The following CELSR3 variants were observed in gnomAD, a reference collection of about 807,000 sequenced individuals.
CELSR3 encodes cadherin EGF LAG seven-pass G-type receptor 3.
Under a neutral mutation model 270.0 loss-of-function variants are expected in CELSR3, and 73 were observed. The ratio of observed to expected loss-of-function variants is 0.27; its 90% confidence interval spans 0.22 to 0.33. The LOEUF (loss-of-function observed/expected upper bound fraction) is 0.33. CELSR3 is among the 10% of genes least tolerant of loss of function. The probability of loss-of-function intolerance (pLI) is 1.00; values close to 1 mark genes in which losing one functional copy is unlikely to be tolerated. For synonymous variants in CELSR3, 1,780 were observed against 1,905.4 expected (o/e 0.93, Z 1.71); for missense variants, 3,614 against 4,533.8 (o/e 0.80, Z 5.83).
chr3:48,643,769 ACG>A, intron 27 of CELSR3, 92 bp from the exon 28 acceptor site: 1 of 1,438,002 alleles, frequency 7.0e-7, no homozygotes, highest in South Asian at 1.4e-5. Context: ...GGGGCCACAC[ACG>A]AAACGTGAAA....
Position 48,651,781 on chromosome 3 carries a change from G to A in CELSR3, c.5924-63C>T, listed in dbSNP as rs545626475. On this transcript the variant is annotated intron_variant, in intron 12 of 34. Coordinates refer to ENST00000164024, the MANE Select transcript of CELSR3 (RefSeq NM_001407.3). This position sits in a 1 kb window ranked among gnomAD's most constrained non-coding sequence, Gnocchi z 7.4. ...AGAGCATGGAAGGAAGCAGGCACCCGTCCCGAGTCCCTGCCTCCTTCAGGT... is the reference window on the plus strand; with the variant it reads ...AGAGCATGGAAGGAAGCAGGCACCCATCCCGAGTCCCTGCCTCCTTCAGGT... 1.8e-5 allele frequency: 27 copies of A among 1,535,552 alleles called. 1 individual carries two copies. The highest frequency in any genetic ancestry group is 9.1e-5 in the East Asian group (4 of 44,142).
rs1341440488 is a variant in CELSR3 at position 48,656,181 on chromosome 3, A to G, written c.4584T>C (p.Phe1528=). 6.5e-7 allele frequency: 1 copy of G among 1,538,064 alleles called. No individual in the cohort carries two copies. The highest frequency in any genetic ancestry group is 8.7e-7 in the Non-Finnish European group (1 of 1,148,124). ...GGTGGAATCGCTGCCGCAGGCCGCG[A>G]AACATGACGAACGAACTGGGCGGGA... is the stretch of plus-strand genomic sequence containing the variant. ...RSFPPSSFVM[F]RGLRQRFHLT... Residue 1528 remains phenylalanine (F), a synonymous_variant, in exon 3 of 35, where the codon TTT becomes TTC. Transcript: ENST00000164024.
At position 48,642,429 on chromosome 3, in the gene CELSR3, T is replaced by C. The variant is rs141516372; in HGVS notation, c.8594A>G (p.His2865Arg). 219 of 1,613,162 alleles carry C rather than the reference T, an allele frequency of 1.4e-4. No individual in the cohort carries two copies. Among genetic ancestry groups the C allele is most frequent in the Non-Finnish European group, 1.7e-4 (201 of 1,179,902 alleles). The change falls in exon 31 of 35, where the codon CAC becomes CGC. Residue 2865 changes from histidine to arginine, a missense_variant. By Grantham distance (29) the His-to-Arg change is conservative (BLOSUM62 0). Around this residue, in one of 7 missense-constraint regions of CELSR3, gnomAD observed 1,240 missense variants for 1,351.7 expected, o/e 0.92. Transcript: ENST00000164024. This position sits in a 1 kb window ranked among gnomAD's most constrained non-coding sequence, Gnocchi z 6.1. ...VLVRHGSAAD[H>R]TDHSLQAHAG... ...ATGAGCCTGGAGGCTGTGGTCAGTG[T>C]GGTCAGCGGCTGAGCCATGTCGAAC... is the stretch of plus-strand genomic sequence containing the variant.
In CELSR3 at chr3:48,641,600, T is replaced by C; in HGVS notation, c.8825-76A>G. ...CATGACCCCTGACCCTAATGACCCT[T>C]GAAACCCTGGCTGTTCTCATTGAGC... On this transcript the variant is annotated intron_variant, in intron 32 of 34. Coordinates refer to ENST00000164024, the MANE Select transcript of CELSR3 (RefSeq NM_001407.3). The surrounding 1 kb of genome is among the most constrained non-coding windows in gnomAD (Gnocchi z 4.8). 8.7e-7 allele frequency: 1 copy of C among 1,147,740 alleles called. No homozygotes were observed. Among genetic ancestry groups the C allele is most frequent in the Non-Finnish European group, 1.3e-6 (1 of 781,140 alleles). The allele number at this position is 1,147,740 out of a possible 1,614,324, so 71.1% of individuals were successfully genotyped here.
Position 48,644,487 on chromosome 3 carries a change from G to C in CELSR3, c.8086-192C>G, listed in dbSNP as rs1220666978. ...ATTGGGAACCAGAGAGGGACTGAGA[G>C]AGAGAAGCAGAGACAGAGGCAGGGA... On this transcript the variant is annotated intron_variant, in intron 26 of 34. Coordinates refer to ENST00000164024, the MANE Select transcript of CELSR3 (RefSeq NM_001407.3). The surrounding 1 kb of genome is among the most constrained non-coding windows in gnomAD (Gnocchi z 4.8). Among the ~76,000 whole-genome samples, 1 of 152,144 alleles carries C rather than the reference G, an allele frequency of 6.6e-6. No individual in the cohort carries two copies.
rs986035207 is a variant in CELSR3, at chr3:48,655,086, T to C, written c.4946A>G (p.Asn1649Ser). 5 of 1,613,890 alleles carry C rather than the reference T, an allele frequency of 3.1e-6. No individual in the cohort carries two copies. The highest frequency in any genetic ancestry group is 1.3e-5 in the African/African-American group (1 of 74,954). Residue 1649 changes from asparagine to serine, a missense_variant, in exon 6 of 35, where the codon AAC (asparagine) becomes AGC (serine). By Grantham distance (46) the Asn-to-Ser change is conservative (BLOSUM62 1). Coordinates refer to ENST00000164024, the MANE Select transcript of CELSR3 (RefSeq NM_001407.3). The surrounding 1 kb of genome is among the most constrained non-coding windows in gnomAD (Gnocchi z 5.8). The stretch of plus-strand genomic sequence containing the variant: ...CACACCAGCAGCCGCGCATGAGTAG[T>C]TGCCAATCTCAGCACCAAACTGCAG... ...VALQFGAEIG[N>S]YSCAAAGVQT...
Position 48,642,278 on chromosome 3 carries a change from C to A in CELSR3, c.8665+80G>T. ...ATCGTCCCACCCCAGTCAGCCACTG[C>A]TCCCAGTATGGGGTAGAAGAAAAGG... On this transcript the variant is annotated intron_variant, in intron 31 of 34. Coordinates refer to ENST00000164024, the MANE Select transcript of CELSR3 (RefSeq NM_001407.3). The surrounding 1 kb of genome is among the most constrained non-coding windows in gnomAD (Gnocchi z 6.1). 1.4e-6 allele frequency: 2 copies of A among 1,449,032 alleles called. No individual in the cohort carries two copies. The highest frequency in any genetic ancestry group is 2.7e-5 in the South Asian group (2 of 75,192). 89.8% of individuals were successfully genotyped at this position (1,449,032 alleles called of 1,614,324 possible). A position where few individuals can be genotyped will look rare whatever the true frequency, so the allele number is the denominator to read the frequency against.
Position 48,652,945 on chromosome 3 carries a change from T to C in CELSR3, c.5634+57A>G, listed in dbSNP as rs1423747824. 1.4e-6 allele frequency: 2 copies of C among 1,477,554 alleles called. No homozygotes were observed. Among genetic ancestry groups the C allele is most frequent in the Non-Finnish European group, 1.9e-6 (2 of 1,066,502 alleles). The allele number at this position is 1,477,554 out of a possible 1,614,324, so 91.5% of individuals were successfully genotyped here. On this transcript the variant is annotated intron_variant, in intron 10 of 34. Coordinates refer to ENST00000164024, the MANE Select transcript of CELSR3 (RefSeq NM_001407.3). This position sits in a 1 kb window ranked among gnomAD's most constrained non-coding sequence, Gnocchi z 4.3. ...GAGCTGGACTAGAGGTGGGGTCAAATAAGGCGGATCTGGTTGGAAGGCTGA... is the reference window on the plus strand; with the variant it reads ...GAGCTGGACTAGAGGTGGGGTCAAACAAGGCGGATCTGGTTGGAAGGCTGA...
Position 48,659,391 on chromosome 3 carries a change from C to G in CELSR3, c.3244G>C (p.Val1082Leu). 3 of 1,614,190 alleles carry G rather than the reference C, an allele frequency of 1.9e-6. No individual in the cohort carries two copies. Among genetic ancestry groups the G allele is most frequent in the Non-Finnish European group, 2.5e-6 (3 of 1,180,046 alleles). The change falls in exon 1 of 35, where the codon GTG becomes CTG. Residue 1082 changes from valine to leucine, a missense_variant. Around this residue, in one of 7 missense-constraint regions of CELSR3, gnomAD observed 1,331 missense variants for 1,933.7 expected, o/e 0.69. Transcript: ENST00000164024. The surrounding 1 kb of genome is among the most constrained non-coding windows in gnomAD (Gnocchi z 8.1). Reference protein sequence around the residue: ...FEVRVKENSIVGSVVAQITAV... With the variant: ...FEVRVKENSILGSVVAQITAV... ...GTGATCTGGGCCACCACTGAGCCCA[C>G]AATGCTATTCTCTTTCACCCGCACC...
chr3:48,644,357 AAT>A lies in CELSR3; in HGVS notation c.8086-64_8086-63del. The A allele has an allele frequency of 2.1e-6, 3 of 1,446,894 alleles. No homozygotes were observed. Among genetic ancestry groups the A allele is most frequent in the Non-Finnish European group, 2.9e-6 (3 of 1,031,130 alleles). 89.6% of individuals were successfully genotyped at this position (1,446,894 alleles called of 1,614,324 possible). A position where few individuals can be genotyped will look rare whatever the true frequency, so the allele number is the denominator to read the frequency against. On this transcript the variant is annotated intron_variant, in intron 26 of 34. Transcript: ENST00000164024. This position sits in a 1 kb window ranked among gnomAD's most constrained non-coding sequence, Gnocchi z 4.8. ...CAGAGAGAGAGAGAGAGAGAGAGGC[AAT>A]GAGAGACAGAGAGAGACTAAGATTC... is the stretch of plus-strand genomic sequence containing the variant.
At position 48,651,332 on chromosome 3, in the gene CELSR3, G is replaced by T; in HGVS notation, c.6186+27C>A. 6.2e-7 allele frequency: 1 copy of T among 1,613,278 alleles called. No homozygotes were observed. Among genetic ancestry groups the T allele is most frequent in the Non-Finnish European group, 8.5e-7 (1 of 1,179,410 alleles). On this transcript the variant is annotated intron_variant, in intron 14 of 34. Coordinates refer to ENST00000164024, the MANE Select transcript of CELSR3 (RefSeq NM_001407.3). The surrounding 1 kb of genome is among the most constrained non-coding windows in gnomAD (Gnocchi z 7.4). ...GAATTGCAGATTGCGTCCAAGGAAG[G>T]GTTAAAAGGTCAGGGGCCAGGCGCA... is the stretch of plus-strand genomic sequence containing the variant.
Position 48,661,875 on chromosome 3 carries a change from T to C in CELSR3, c.760A>G (p.Thr254Ala), listed in dbSNP as rs750168787. The C allele has an allele frequency of 3.4e-5, 54 of 1,611,152 alleles. No individual in the cohort carries two copies. The South Asian group carries it at 5.1e-4, about 15-fold the overall frequency. Reference sequence around the variant, plus strand: ...GGTGCTGAACCTGATGCAGGAGCTGTCCTCGCCGTGCGTGGTGCTGAATCC... The same window carrying C: ...GGTGCTGAACCTGATGCAGGAGCTGCCCTCGCCGTGCGTGGTGCTGAATCC... ...ELDSAPRTAR[T>A]APASGSAPRE... The change falls in exon 1 of 35, where the codon ACA (threonine) becomes GCA (alanine). Residue 254 changes from threonine to alanine, a missense_variant. Thr to Ala is a moderately conservative substitution (Grantham distance 58, BLOSUM62 0). Transcript: ENST00000164024.
In CELSR3 at chr3:48,641,922, C is replaced by T. The variant is rs780586975; in HGVS notation, c.8753G>A (p.Arg2918Gln). The T allele has an allele frequency of 1.4e-5, 22 of 1,599,268 alleles. No individual in the cohort carries two copies. Among genetic ancestry groups the T allele is most frequent in the South Asian group, 1.0e-4 (9 of 88,990 alleles). ...TGGCCGTTGGAAGCGCCCCCGCGTCCGGCCATTGTCCTCGCTTTCTGAAGA... is the reference window on the plus strand; with the variant it reads ...TGGCCGTTGGAAGCGCCCCCGCGTCTGGCCATTGTCCTCGCTTTCTGAAGA... Reference protein sequence around the residue: ...IPSSESEDNGRTRGRFQRPLC... With the variant: ...IPSSESEDNGQTRGRFQRPLC... Residue 2918 changes from arginine (R) to glutamine (Q), a missense_variant, in exon 32 of 35, where the codon CGG becomes CAG. Arg to Gln is a conservative substitution (Grantham distance 43). Around this residue, in one of 7 missense-constraint regions of CELSR3, gnomAD observed 1,240 missense variants for 1,351.7 expected, o/e 0.92. Coordinates refer to ENST00000164024, the MANE Select transcript of CELSR3 (RefSeq NM_001407.3). The surrounding 1 kb of genome is among the most constrained non-coding windows in gnomAD (Gnocchi z 4.8).
chr3:48,658,034 G>C lies in CELSR3; in HGVS notation c.3749-686C>G, dbSNP rs2077035978. ...CAGCCTGCTCGCCACTCCAGACCTG[G>C]GTCCTGTGGTTTCACAGTGACCACC... is the stretch of plus-strand genomic sequence containing the variant. On this transcript the variant is annotated intron_variant, in intron 1 of 34. Transcript: ENST00000164024. This position sits in a 1 kb window ranked among gnomAD's most constrained non-coding sequence, Gnocchi z 4.7. 6.6e-6 allele frequency among the ~76,000 whole-genome samples: 1 copy of C among 152,226 alleles called. No homozygotes were observed. Among genetic ancestry groups the C allele is most frequent in the Middle Eastern group, 3.4e-3 (1 of 294 alleles).
rs1214584513 is a variant in CELSR3, at chr3:48,652,959, T to C, written c.5634+43A>G. Reference sequence around the variant, plus strand: ...GTGGGGTCAAATAAGGCGGATCTGGTTGGAAGGCTGAGAACAGACTACCCC... The same window carrying C: ...GTGGGGTCAAATAAGGCGGATCTGGCTGGAAGGCTGAGAACAGACTACCCC... On this transcript the variant is annotated intron_variant, in intron 10 of 34. Transcript: ENST00000164024. The surrounding 1 kb of genome is among the most constrained non-coding windows in gnomAD (Gnocchi z 4.3). 3.2e-6 allele frequency: 5 copies of C among 1,562,758 alleles called. No individual in the cohort carries two copies. In the African/African-American group the frequency reaches 4.1e-5, roughly 13 times the overall value.
rs1575543519 is a variant in CELSR3, at chr3:48,653,294, G to A, written c.5449-107C>T. 9.6e-7 allele frequency: 1 copy of A among 1,045,488 alleles called. No individual in the cohort carries two copies. 64.8% of individuals were successfully genotyped at this position (1,045,488 alleles called of 1,614,324 possible). ...CAGGAATATCAGAGGTCAGAACAGTGGGGTCAAGGTTATACCTGGCACAAA... is the reference window on the plus strand; with the variant it reads ...CAGGAATATCAGAGGTCAGAACAGTAGGGTCAAGGTTATACCTGGCACAAA... On this transcript the variant is annotated intron_variant, in intron 9 of 34. Coordinates refer to ENST00000164024, the MANE Select transcript of CELSR3 (RefSeq NM_001407.3). This position sits in a 1 kb window ranked among gnomAD's most constrained non-coding sequence, Gnocchi z 6.5.
Position 48,661,241 on chromosome 3 carries a change from T to C in CELSR3, c.1394A>G (p.Asn465Ser), listed in dbSNP as rs1575546642. ...CACGAAGCGGTAGCGCAGGTTGGCG[T>C]TGGGGGGCGCGTCGCCGTCAGTGGC... ...LRATDGDAPP[N>S]ANLRYRFVGP... The change falls in exon 1 of 35, where the codon AAC (asparagine) becomes AGC (serine). Residue 465 changes from asparagine to serine, a missense_variant. Asn to Ser is a conservative substitution (Grantham distance 46). Transcript: ENST00000164024. The C allele has an allele frequency of 2.5e-6, 4 of 1,607,768 alleles. No individual in the cohort carries two copies. Among genetic ancestry groups the C allele is most frequent in the Non-Finnish European group, 3.4e-6 (4 of 1,176,572 alleles).
Position 48,637,961 on chromosome 3 carries a change from T to A in CELSR3, c.*244A>T. ...GAAAAGCTGAAAAATAACATAAGCA[T>A]CTCTCTGGTTACAAAGGTACAAAAC... is the stretch of plus-strand genomic sequence containing the variant. On this transcript the variant is annotated 3_prime_UTR_variant, in exon 35 of 35. Transcript: ENST00000164024. The A allele has an allele frequency of 2.5e-5, 10 of 393,678 alleles. No homozygotes were observed. The highest frequency in any genetic ancestry group is 6.8e-4 in the Middle Eastern group (1 of 1,462). The allele number at this position is 393,678 out of a possible 1,614,324, so 24.4% of individuals were successfully genotyped here. A position where few individuals can be genotyped will look rare whatever the true frequency, so the allele number is the denominator to read the frequency against.
chr3:48,650,492 G>A lies in CELSR3; in HGVS notation c.6460C>T (p.Arg2154Trp), dbSNP rs143056364. Residue 2154 changes from arginine to tryptophan, a missense_variant, in exon 16 of 35, where the codon CGG (arginine) becomes TGG (tryptophan). Arg to Trp is a moderately radical substitution (Grantham distance 101). Transcript: ENST00000164024. The surrounding 1 kb of genome is among the most constrained non-coding windows in gnomAD (Gnocchi z 5.1). ...CCCACATACTCACCCAGGGCCCCCC[G>A]GGGACAGGGCACTGTGGCCAGGACG... is the stretch of plus-strand genomic sequence containing the variant. ...FGVLATVPCP[R>W]GALGAAVRLC... The A allele has an allele frequency of 3.0e-5, 46 of 1,540,360 alleles. 1 individual carries two copies. Among genetic ancestry groups the A allele is most frequent in the Admixed American group, 9.0e-5 (5 of 55,644 alleles).
Sources: gnomAD v4.1 joint callset for allele counts (sites outside exome capture counted in the v4.1 genomes callset) on GRCh38, gnomAD v4.1.1 for gene constraint, gnomAD v4.1.1 regional missense constraint, Gnocchi (gnomAD v3.1) non-coding constraint, MANE v1.5 for transcripts, NCBI Gene and HGNC (gene_info 2026-07-23, HGNC 2026-07-21) for gene names.